DLG2: variants seen among roughly 807,000 people sequenced by gnomAD.
DLG2 encodes the protein discs large MAGUK scaffold protein 2, also known as disks large homolog 2.
Under a neutral mutation model 132.5 loss-of-function variants are expected in DLG2, and 45 were observed. The ratio of observed to expected loss-of-function variants is 0.34; its 90% CI spans 0.27 to 0.44. The LOEUF (loss-of-function observed/expected upper bound fraction) is 0.44. Among genes scored for constraint, DLG2 ranks in the 20% least tolerant of loss-of-function variants. The pLI, the probability that DLG2 is intolerant of heterozygous loss-of-function variation, is 1.00. For synonymous variants in DLG2, 424 were observed against 419.6 expected, an observed-to-expected ratio of 1.01 and a Z score of -0.13; for missense variants, 1,045 against 1,196.9, an observed-to-expected ratio of 0.87 and a Z score of 1.87.
At chr11:83,786,869 AC>A in intron 17 of DLG2, 77 bp from the exon 18 acceptor site, 1 of 1,264,676 alleles carries the variant, frequency 7.9e-7, no homozygotes, top group Non-Finnish European at 1.1e-6. Context: ...GTTTCCCAAA[AC>A]CAGGCTGTCT....
chr11:84,300,076 A>G (rs1417374888), intron 7 of DLG2, among the ~76,000 whole-genome samples: 1 of 152,102 alleles, frequency 6.6e-6, no homozygotes, highest in African/African-American at 2.4e-5. Flanking sequence ...TAAGACATGT[A>G]GACTCAAACT....
chr11:85,182,390 A>C (rs2079774037), intron 4 of DLG2, among the ~76,000 whole-genome samples: 1 of 151,944 alleles, frequency 6.6e-6, no homozygotes, highest in African/African-American at 2.4e-5. Flanking sequence ...ATGAAATAAG[A>C]ATTATATTCT....
chr11:85,527,531 A>C (rs1337236315), intron 3 of DLG2, among the ~76,000 whole-genome samples: 1 of 151,886 alleles, frequency 6.6e-6, no homozygotes, highest in Non-Finnish European at 1.5e-5. Flanking sequence ...TGCACTCATT[A>C]TTTTTTATGG....
intron 18 of DLG2, among the ~76,000 whole-genome samples, chr11:83,635,221 A>C (rs1451045794): frequency 6.6e-6 from 1 of 152,150 alleles, no homozygotes; most frequent in African/African-American, 2.4e-5. Context: ...AGCTTGGGTG[A>C]CAAAGTGAGA....
At chr11:84,867,102 C>G (rs994481560) in intron 6 of DLG2, among the ~76,000 whole-genome samples, 1 of 152,118 alleles carries the variant, frequency 6.6e-6, no homozygotes, top group Non-Finnish European at 1.5e-5. Context: ...TGTCAGACAC[C>G]TTGTTTCTAA....
rs115491895 is a variant in DLG2, at chr11:84,538,058, G to T, written c.358-3327C>A. On this transcript the variant is annotated intron_variant, in intron 6 of 27. Coordinates refer to ENST00000376104, the MANE Select transcript of DLG2 (RefSeq NM_001142699.3). ...ATATGAACTGAAAAGAACAACCCTT[G>T]ACTTCAAGAAGACCATAAATTACTG... Among the ~76,000 whole-genome samples the T allele has an allele frequency of 2.6e-3, 402 of 152,230 alleles. 1 individual carries two copies. Among genetic ancestry groups the T allele is most frequent in the African/African-American group, 9.0e-3 (374 of 41,548 alleles).
chr11:85,582,764 C>T (rs899310976), intron 3 of DLG2, among the ~76,000 whole-genome samples: 3 of 127,486 alleles, frequency 2.4e-5, no homozygotes, highest in African/African-American at 8.7e-5. Flanking sequence ...TTTTGAATAA[C>T]TTTTTTTTCA....
chr11:84,052,702 A>C (rs954490242), intron 11 of DLG2, among the ~76,000 whole-genome samples: 2 of 151,840 alleles, frequency 1.3e-5, no homozygotes, highest in African/African-American at 4.8e-5. Context: ...AAAAAAAAAA[A>C]AAAACAGATG....
intron 6 of DLG2, among the ~76,000 whole-genome samples, chr11:84,802,267 T>G (rs1444114988): frequency 3.3e-5 from 5 of 151,862 alleles, no homozygotes; most frequent in Admixed American, 3.3e-4. Flanking sequence ...GGATAGGAAA[T>G]AGGAATAATA....
intron 7 of DLG2, among the ~76,000 whole-genome samples, chr11:84,465,853 C>T (rs904491311): frequency 6.6e-6 from 1 of 151,098 alleles, no homozygotes; most frequent in African/African-American, 2.4e-5. Flanking sequence ...GGCCATAGAT[C>T]AAATCCTAGC....
chr11:84,342,752 A>G (rs904835226), intron 7 of DLG2, among the ~76,000 whole-genome samples: 2 of 152,188 alleles, frequency 1.3e-5, no homozygotes, highest in African/African-American at 4.8e-5. Context: ...AGGCTCAGGG[A>G]AAAGAAAGAG....
At chr11:84,849,750 T>C (rs934444396) in intron 6 of DLG2, among the ~76,000 whole-genome samples, 3 of 152,130 alleles carry the variant, frequency 2.0e-5, no homozygotes, top group Admixed American at 6.6e-5. Flanking sequence ...AACGACACTG[T>C]TGCAAGTATT....
rs533125921 is a variant in DLG2 at position 85,621,576 on chromosome 11, A to G, written c.-93+5011T>C. Among the ~76,000 whole-genome samples the G allele has an allele frequency of 7.9e-5, 12 of 152,354 alleles. No homozygotes were observed. In the East Asian group the frequency reaches 2.1e-3, roughly 27 times the overall value. On this transcript the variant is annotated intron_variant, in intron 2 of 27. Coordinates refer to ENST00000376104, the MANE Select transcript of DLG2 (RefSeq NM_001142699.3). ...GGGAGTTTGGAAGACATTCATTCCAACTTTCATGGATGACTTTGAGGGATT... is the reference window on the plus strand; with the variant it reads ...GGGAGTTTGGAAGACATTCATTCCAGCTTTCATGGATGACTTTGAGGGATT...
At chr11:83,624,979 G>T (rs2062248571) in intron 19 of DLG2, among the ~76,000 whole-genome samples, 1 of 152,140 alleles carries the variant, frequency 6.6e-6, no homozygotes, top group Admixed American at 6.5e-5. Flanking sequence ...GTTTTTAAGA[G>T]AGAAAAGTAA....
chr11:85,536,716 C>A (rs1196477515), intron 3 of DLG2, among the ~76,000 whole-genome samples: 1 of 152,242 alleles, frequency 6.6e-6, no homozygotes, highest in Non-Finnish European at 1.5e-5. Context: ...GCACTCAGGG[C>A]AGCGGGCTGA....
chr11:83,590,205 C>T, intron 19 of DLG2, among the ~76,000 whole-genome samples: 1 of 149,674 alleles, frequency 6.7e-6, no homozygotes, highest in African/African-American at 2.4e-5. Context: ...CAGCACCACA[C>T]CACACCTATT....
At chr11:84,369,188 T>C (rs1376222592) in intron 7 of DLG2, among the ~76,000 whole-genome samples, 1 of 152,050 alleles carries the variant, frequency 6.6e-6, no homozygotes, top group African/African-American at 2.4e-5. Context: ...TCTGTGAGTT[T>C]AGGTATTATT....
chr11:84,700,495 C>A (rs1352565102), intron 6 of DLG2, among the ~76,000 whole-genome samples: 3 of 151,490 alleles, frequency 2.0e-5, no homozygotes, highest in African/African-American at 7.3e-5. Flanking sequence ...TATAGCTAAC[C>A]AAAATATCAA....
chr11:83,607,616 T>C (rs995542078), intron 19 of DLG2, among the ~76,000 whole-genome samples: 3 of 152,232 alleles, frequency 2.0e-5, no homozygotes, highest in Non-Finnish European at 4.4e-5. Context: ...CACTCCTGGA[T>C]ATACCCAAAA....
Sources: allele counts gnomAD v4.1 joint callset (sites outside exome capture counted in the v4.1 genomes callset), GRCh38; gene constraint gnomAD v4.1.1; transcripts MANE v1.5; gene names NCBI Gene and HGNC (gene_info 2026-07-23, HGNC 2026-07-21).